CMSS1: variants seen among roughly 807,000 people sequenced by gnomAD.
CMSS1 encodes the protein protein CMSS1.
In CMSS1, 33 loss-of-function variants were observed where a neutral mutation model predicts 43.5. The observed-to-expected ratio is 0.76, with a 90% CI of 0.57 to 1.01. The LOEUF is 1.01. Ranked by LOEUF, CMSS1 falls within the 50% of genes least tolerant of loss-of-function variation. CMSS1 has a pLI of 0.00. For missense variants in CMSS1, 313 were observed against 326.4 expected, an observed-to-expected ratio of 0.96 and a Z score of 0.32; for synonymous variants, 115 against 117.2, an observed-to-expected ratio of 0.98 and a Z score of 0.12.
chr3:100,089,855 G>T (rs1331041563), intron 1 of CMSS1, among the ~76,000 whole-genome samples: 2 of 152,204 alleles, frequency 1.3e-5, no homozygotes, highest in Non-Finnish European at 2.9e-5. Context: ...CCACCTACTA[G>T]TTCAGTGACC....
intron 1 of CMSS1, among the ~76,000 whole-genome samples, chr3:100,031,959 G>A (rs2065028597): frequency 6.6e-6 from 1 of 151,858 alleles, no homozygotes; most frequent in South Asian, 2.1e-4. Context: ...AGTTAAATTT[G>A]AATTTTATGT....
intron 1 of CMSS1, chr3:100,075,591 T>A (rs938410178): frequency 1.1e-4 from 16 of 151,814 alleles, no homozygotes; most frequent in Non-Finnish European, 2.2e-4. Flanking sequence ...CTGTCTCCTA[T>A]ACCCACTGAT....
intron 1 of CMSS1, among the ~76,000 whole-genome samples, chr3:99,949,876 A>T (rs1417016489): frequency 6.6e-6 from 1 of 152,166 alleles, no homozygotes; most frequent in Non-Finnish European, 1.5e-5. Flanking sequence ...ATTACCAAGG[A>T]CATTCTTAAT....
intron 1 of CMSS1, among the ~76,000 whole-genome samples, chr3:99,962,058 C>G (rs1355534171): frequency 6.6e-6 from 1 of 152,162 alleles, no homozygotes; most frequent in Non-Finnish European, 1.5e-5. Flanking sequence ...ACACACCACA[C>G]AAGCAAAGTC....
At chr3:100,055,626 C>T (rs1473892330) in intron 1 of CMSS1, among the ~76,000 whole-genome samples, 1 of 151,860 alleles carries the variant, frequency 6.6e-6, no homozygotes, top group African/African-American at 2.4e-5. Context: ...GATTAAAAAC[C>T]ACAGCCAGCA....
At chr3:100,034,922 T>G (rs2107270937) in intron 1 of CMSS1, among the ~76,000 whole-genome samples, 1 of 152,324 alleles carries the variant, frequency 6.6e-6, no homozygotes, top group East Asian at 1.9e-4. Context: ...ACTTTCCTAT[T>G]TTAATGTTTT....
intron 1 of CMSS1, among the ~76,000 whole-genome samples, chr3:100,014,457 C>T (rs1710259460): frequency 6.6e-6 from 1 of 152,060 alleles, no homozygotes; most frequent in African/African-American, 2.4e-5. Flanking sequence ...TACATTCCCA[C>T]CAACAGTGTA....
chr3:99,892,951 C>G (rs1353917820), intron 1 of CMSS1, among the ~76,000 whole-genome samples: 1 of 152,020 alleles, frequency 6.6e-6, no homozygotes, highest in Non-Finnish European at 1.5e-5. Flanking sequence ...AGATGAGGCC[C>G]CTGTTGGTGC....
intron 1 of CMSS1, among the ~76,000 whole-genome samples, chr3:99,836,493 A>G (rs1942900839): frequency 6.6e-6 from 1 of 152,158 alleles, no homozygotes; most frequent in Non-Finnish European, 1.5e-5. Context: ...TGGTAGAGAA[A>G]TTGTTGATAC....
chr3:99,938,090 C>T (rs371768353), intron 1 of CMSS1, among the ~76,000 whole-genome samples: 129 of 150,332 alleles, frequency 8.6e-4, no homozygotes, highest in Non-Finnish European at 1.2e-3. Flanking sequence ...CGCGCGCGCG[C>T]GTGCATGCAC....
intron 1 of CMSS1, among the ~76,000 whole-genome samples, chr3:100,060,603 C>T (rs2065546517): frequency 6.6e-6 from 1 of 152,058 alleles, no homozygotes; most frequent in Admixed American, 6.5e-5. Context: ...ACCTGTAATC[C>T]CAGCACTTTG....
chr3:99,994,101 T>C (rs896719647), intron 1 of CMSS1, among the ~76,000 whole-genome samples: 1 of 152,198 alleles, frequency 6.6e-6, no homozygotes, highest in African/African-American at 2.4e-5. Flanking sequence ...ATCTTGTGCT[T>C]TTTGTTGTTG....
intron 1 of CMSS1, among the ~76,000 whole-genome samples, chr3:100,063,857 G>T (rs1038999183): frequency 2.0e-5 from 3 of 152,164 alleles, no homozygotes; most frequent in Non-Finnish European, 4.4e-5. Context: ...GAAATAAAGT[G>T]ATTTGTTCTG....
chr3:100,181,672 A>G lies in CMSS1; in HGVS notation c.*3284A>G, dbSNP rs1444371513. The G allele has an allele frequency of 6.6e-6, 1 of 152,148 alleles. No homozygotes were observed. Among genetic ancestry groups the G allele is most frequent in the African/African-American group, 2.4e-5 (1 of 41,412 alleles). The allele number at this position is 152,148 out of a possible 1,614,324, so 9.4% of individuals were successfully genotyped here. On this transcript the variant is annotated 3_prime_UTR_variant, in exon 10 of 10. Coordinates refer to ENST00000421999, the MANE Select transcript of CMSS1 (RefSeq NM_032359.4). The stretch of plus-strand genomic sequence containing the variant: ...CGTGTATTTTGTAGAATGTCCTTCA[A>G]TTTGGATTTGTCTGTAATGTTCTCA...
intron 1 of CMSS1, among the ~76,000 whole-genome samples, chr3:100,091,216 C>A (rs1237701944): frequency 6.8e-6 from 1 of 148,120 alleles, no homozygotes; most frequent in African/African-American, 2.5e-5. Context: ...ACCTGGAAGG[C>A]GGAACTTGCA....
At chr3:99,911,036 C>T (rs940082961) in intron 1 of CMSS1, among the ~76,000 whole-genome samples, 4 of 151,986 alleles carry the variant, frequency 2.6e-5, no homozygotes, top group South Asian at 4.2e-4. Context: ...TATCTCATTG[C>T]CGTTTGTTCA....
At chr3:100,159,479 A>G (rs1327806644) in intron 2 of CMSS1, among the ~76,000 whole-genome samples, 2 of 152,192 alleles carry the variant, frequency 1.3e-5, no homozygotes, top group Non-Finnish European at 1.5e-5. Context: ...GAGCCAGTGG[A>G]GACAAGATTG....
rs1420396845 is a variant in CMSS1 at position 99,983,422 on chromosome 3, ATG to A, written c.65-163549_65-163548del. On this transcript the variant is annotated intron_variant, in intron 1 of 9. Coordinates refer to ENST00000421999, the MANE Select transcript of CMSS1 (RefSeq NM_032359.4). Reference sequence around the variant, plus strand: ...TATATATATATATATATATATATGTATGTATGTATGTATATATATGTATGTAT... The same window carrying A: ...TATATATATATATATATATATATGTATATGTATGTATATATATGTATGTAT... 6.9e-4 allele frequency among the ~76,000 whole-genome samples: 60 copies of A among 86,916 alleles called. 1 individual carries two copies. Among genetic ancestry groups the A allele is most frequent in the African/African-American group, 2.0e-3 (38 of 18,584 alleles). The allele number at this position is 86,916 out of a possible 152,430, so 57.0% of individuals were successfully genotyped here. A position where few individuals can be genotyped will look rare whatever the true frequency, so the allele number is the denominator to read the frequency against.
chr3:99,936,201 A>G (rs1367858814), intron 1 of CMSS1, among the ~76,000 whole-genome samples: 2 of 151,986 alleles, frequency 1.3e-5, no homozygotes, highest in African/African-American at 4.8e-5. Flanking sequence ...TGGTCATTTA[A>G]TATGGTATCG....
Sources: allele counts gnomAD v4.1 joint callset (sites outside exome capture counted in the v4.1 genomes callset), GRCh38; gene constraint gnomAD v4.1.1; transcripts MANE v1.5; gene names NCBI Gene and HGNC (gene_info 2026-07-23, HGNC 2026-07-21).